The following SLCO2A1 variants were observed in gnomAD, a reference collection of about 807,000 sequenced individuals.
SLCO2A1 encodes matrin F/G 1.
Under a neutral mutation model 71.7 loss-of-function variants are expected in SLCO2A1, and 60 were observed. That is an observed-to-expected ratio of 0.84 (90% CI 0.68 to 1.04). The LOEUF (loss-of-function observed/expected upper bound fraction) is 1.04, where lower values mean the gene tolerates loss of function less well. Among genes scored for constraint, SLCO2A1 ranks in the 50% least tolerant of loss-of-function variants. SLCO2A1 has a pLI of 0.00. For synonymous variants in SLCO2A1, 308 were observed against 326.7 expected (o/e 0.94, Z 0.62); for missense variants, 745 against 813.4 (o/e 0.92, Z 1.02).
intron 3 of SLCO2A1, among the ~76,000 whole-genome samples, chr3:133,973,277 T>C (rs1047053244): frequency 5.3e-5 from 8 of 152,254 alleles, no homozygotes; most frequent in South Asian, 2.1e-4. Context: ...CACTGTCACC[T>C]AAAGACAGAA....
At chr3:134,009,134 G>A (rs993325190) in intron 1 of SLCO2A1, among the ~76,000 whole-genome samples, 2 of 152,180 alleles carry the variant, frequency 1.3e-5, no homozygotes, top group African/African-American at 4.8e-5. Flanking sequence ...CTTTTTAATG[G>A]ATAGATTTTT....
intron 10 of SLCO2A1, among the ~76,000 whole-genome samples, chr3:133,944,210 G>A (rs1481508101): frequency 5.3e-5 from 8 of 152,220 alleles, no homozygotes; most frequent in Admixed American, 1.3e-4. Context: ...ACCCTCTCCC[G>A]GAGGCCCCTG....
intron 1 of SLCO2A1, among the ~76,000 whole-genome samples, chr3:133,990,960 A>G (rs1248333272): frequency 6.6e-6 from 1 of 152,038 alleles, no homozygotes; most frequent in African/African-American, 2.4e-5. Flanking sequence ...AAATACAAAA[A>G]TTAGCCAGGT....
At position 133,972,047 on chromosome 3, in the gene SLCO2A1, A is replaced by G. The variant is rs139495838; in HGVS notation, c.397+1616T>C. ...CAGACATAAAACAATGGGAGGATTAACATGCTTAAAACTTGAGCTACTAGA... is the reference window on the plus strand; with the variant it reads ...CAGACATAAAACAATGGGAGGATTAGCATGCTTAAAACTTGAGCTACTAGA... On this transcript the variant is annotated intron_variant, in intron 3 of 13. Coordinates refer to ENST00000310926, the MANE Select transcript of SLCO2A1 (RefSeq NM_005630.3). Among the ~76,000 whole-genome samples the G allele has an allele frequency of 2.7e-3, 404 of 152,326 alleles. 1 individual carries two copies. Among genetic ancestry groups the G allele is most frequent in the African/African-American group, 9.5e-3 (394 of 41,572 alleles).
chr3:134,000,663 G>A (rs950246986), intron 1 of SLCO2A1, among the ~76,000 whole-genome samples: 11 of 152,238 alleles, frequency 7.2e-5, no homozygotes, highest in Middle Eastern at 6.8e-3. Flanking sequence ...TGGAAGAAAA[G>A]GTAAGGTCCC....
intron 2 of SLCO2A1, among the ~76,000 whole-genome samples, chr3:133,977,759 G>A (rs1576443527): frequency 6.6e-6 from 1 of 152,148 alleles, no homozygotes; most frequent in Non-Finnish European, 1.5e-5. Context: ...AGGACAACAT[G>A]TGCCAGGGGA....
intron 1 of SLCO2A1, among the ~76,000 whole-genome samples, chr3:134,005,669 G>C (rs1264717338): frequency 6.6e-6 from 1 of 151,894 alleles, no homozygotes; most frequent in Non-Finnish European, 1.5e-5. Context: ...TTTTAGTAGA[G>C]ACAGGGTTTC....
intron 1 of SLCO2A1, among the ~76,000 whole-genome samples, chr3:133,995,397 G>A (rs1022273492): frequency 2.6e-5 from 4 of 152,076 alleles, no homozygotes; most frequent in South Asian, 2.1e-4. Context: ...CTGCCTCTCC[G>A]TACCAAGCTA....
chr3:134,007,591 A>T (rs1935246849), intron 1 of SLCO2A1, among the ~76,000 whole-genome samples: 1 of 152,120 alleles, frequency 6.6e-6, no homozygotes, highest in African/African-American at 2.4e-5. Context: ...TCTCAGAGAA[A>T]TTTTTTTACC....
chr3:133,978,946 C>T (rs1020025868), intron 2 of SLCO2A1, among the ~76,000 whole-genome samples: 3 of 152,180 alleles, frequency 2.0e-5, no homozygotes, highest in Non-Finnish European at 4.4e-5. Flanking sequence ...GCTCTGATCT[C>T]TTCAGGGAGT....
intron 1 of SLCO2A1, among the ~76,000 whole-genome samples, chr3:134,016,752 T>C (rs1369893188): frequency 6.6e-6 from 1 of 152,226 alleles, no homozygotes; most frequent in Non-Finnish European, 1.5e-5. Flanking sequence ...AACAGATTTA[T>C]TTGTAATAGC....
At chr3:133,969,262 G>T (rs1576439735) in intron 3 of SLCO2A1, among the ~76,000 whole-genome samples, 1 of 152,118 alleles carries the variant, frequency 6.6e-6, no homozygotes, top group East Asian at 1.9e-4. Context: ...AAACCCCGTA[G>T]CTACTAAAAT....
At chr3:133,945,340 C>T in intron 9 of SLCO2A1, 80 bp from the exon 10 acceptor site, 2 of 1,377,428 alleles carry the variant, frequency 1.5e-6, no homozygotes, top group East Asian at 2.4e-5. Context: ...GTGTGAGTTC[C>T]TGGCCTGGTG....
intron 1 of SLCO2A1, among the ~76,000 whole-genome samples, chr3:134,015,534 G>A (rs1036551293): frequency 1.3e-5 from 2 of 152,108 alleles, no homozygotes; most frequent in Non-Finnish European, 2.9e-5. Context: ...ATAGCAGAGT[G>A]ACTATAGTCA....
chr3:133,933,533 C>T lies in SLCO2A1; in HGVS notation c.*1180G>A, dbSNP rs1040874664. The stretch of plus-strand genomic sequence containing the variant: ...GGCTTCTGTCTCTCAACATCTATCA[C>T]GTAGCAGCTGTGTCTCTCAACCCAG... On this transcript the variant is annotated 3_prime_UTR_variant, in exon 14 of 14. Coordinates refer to ENST00000310926, the MANE Select transcript of SLCO2A1 (RefSeq NM_005630.3). 4 of 152,228 alleles carry T rather than the reference C, an allele frequency of 2.6e-5. No individual in the cohort carries two copies. Among genetic ancestry groups the T allele is most frequent in the South Asian group, 2.1e-4 (1 of 4,830 alleles). The allele number at this position is 152,228 out of a possible 1,614,324, so 9.4% of individuals were successfully genotyped here.
intron 13 of SLCO2A1, among the ~76,000 whole-genome samples, chr3:133,935,304 G>A (rs552433703): frequency 1.3e-5 from 2 of 152,310 alleles, no homozygotes; most frequent in African/African-American, 4.8e-5. Flanking sequence ...GCTGGAAGGG[G>A]TGCAGAACCC....
intron 1 of SLCO2A1, among the ~76,000 whole-genome samples, chr3:133,984,237 T>TC (rs1176213318): frequency 6.6e-6 from 1 of 152,028 alleles, no homozygotes; most frequent in Non-Finnish European, 1.5e-5. Context: ...GTACAGAAAT[T>TC]CCCCCACTTT....
At chr3:133,936,525 T>G (rs1268055779) in intron 12 of SLCO2A1, among the ~76,000 whole-genome samples, 2 of 152,188 alleles carry the variant, frequency 1.3e-5, no homozygotes, top group African/African-American at 4.8e-5. Flanking sequence ...AGATTTGGCT[T>G]GGCAGGGGCT....
chr3:133,951,012 G>A, intron 6 of SLCO2A1, 196 bp downstream of exon 6: 2 of 668,092 alleles, frequency 3.0e-6, no homozygotes, highest in East Asian at 2.8e-5. Flanking sequence ...GGAACACATA[G>A]GAGATACCAC....
Sources: allele counts gnomAD v4.1 joint callset (sites outside exome capture counted in the v4.1 genomes callset), GRCh38; gene constraint gnomAD v4.1.1; transcripts MANE v1.5; gene names NCBI Gene and HGNC (gene_info 2026-07-23, HGNC 2026-07-21).